ACYP1: variants seen among roughly 807,000 people sequenced by gnomAD.
The protein encoded by ACYP1 is acylphosphatase 1.
In ACYP1, 8 loss-of-function variants were observed where a neutral mutation model predicts 10.4. The observed-to-expected ratio is 0.77, with a 90% confidence interval of 0.45 to 1.38. The LOEUF is 1.38. Among genes scored for constraint, ACYP1 ranks in the 40% most tolerant of loss-of-function variants. The probability of loss-of-function intolerance (pLI) is 0.00; values close to 1 mark genes in which losing one functional copy is unlikely to be tolerated. For missense variants in ACYP1, 93 were observed against 117.3 expected, an observed-to-expected ratio of 0.79 and a Z score of 0.96; for synonymous variants, 38 against 40.8, an observed-to-expected ratio of 0.93 and a Z score of 0.26.
chr14:75,061,713 A>C, intron 2 of ACYP1: 1 of 1,593,746 alleles, frequency 6.3e-7, no homozygotes, highest in Non-Finnish European at 8.6e-7. Context: ...GCTAACTGGA[A>C]CACAGCTCTT....
chr14:75,058,995 C>T (rs1042336343), intron 2 of ACYP1, among the ~76,000 whole-genome samples: 57 of 151,166 alleles, frequency 3.8e-4, no homozygotes, highest in African/African-American at 9.7e-4. Flanking sequence ...GTCAGGAGTT[C>T]GAGACCAGTC....
chr14:75,054,903 C>T (rs1288617886), intron 2 of ACYP1, among the ~76,000 whole-genome samples: 5 of 151,400 alleles, frequency 3.3e-5, no homozygotes, highest in African/African-American at 1.2e-4. Flanking sequence ...ATCCAACTGA[C>T]AGGGCAGTAT....
chr14:75,055,355 G>A (rs1215042405), intron 2 of ACYP1, among the ~76,000 whole-genome samples: 1 of 151,322 alleles, frequency 6.6e-6, no homozygotes, highest in African/African-American at 2.4e-5. Flanking sequence ...CCAAAGTGCT[G>A]GGATTACAGG....
intron 2 of ACYP1, among the ~76,000 whole-genome samples, chr14:75,057,975 AAAAAAAAAAAAAAG>A (rs1421162980): frequency 2.0e-5 from 3 of 146,890 alleles, no homozygotes; most frequent in Admixed American, 6.7e-5. Context: ...AAAAAAAAAA[AAAAAAAAAAAAAAG>A]AACTACCTGC....
intron 2 of ACYP1, among the ~76,000 whole-genome samples, chr14:75,057,990 A>AAAC (rs1491425220): frequency 6.8e-6 from 1 of 147,334 alleles, no homozygotes; most frequent in South Asian, 2.2e-4. Context: ...AAAAAAAAAG[A>AAAC]ACTACCTGCT....
At chr14:75,068,397 G>A (rs567729561), upstream of ACYP1, among the ~76,000 whole-genome samples, 120 of 152,232 alleles carry the variant, frequency 7.9e-4, 1 homozygote, top group Middle Eastern at 6.8e-3. Flanking sequence ...GTCAATTCCC[G>A]GAGGGTACTG....
At chr14:75,061,596 G>T in intron 2 of ACYP1, 2 of 815,746 alleles carry the variant, frequency 2.5e-6, no homozygotes, top group Non-Finnish European at 3.8e-6. Flanking sequence ...GATGGGCTAT[G>T]CATACCACTA....
At chr14:75,056,430 A>G (rs1892879091) in intron 2 of ACYP1, among the ~76,000 whole-genome samples, 1 of 151,496 alleles carries the variant, frequency 6.6e-6, no homozygotes, top group Admixed American at 6.6e-5. Flanking sequence ...TGAAACATGA[A>G]TGTGAATTGT....
intron 2 of ACYP1, among the ~76,000 whole-genome samples, chr14:75,056,526 A>T (rs951787238): frequency 1.3e-5 from 2 of 151,082 alleles, no homozygotes; most frequent in Non-Finnish European, 2.9e-5. Flanking sequence ...CCCAGGCTCA[A>T]ATGATCCTCC....
chr14:75,068,871 G>A (rs1186570712), upstream of ACYP1, among the ~76,000 whole-genome samples: 1 of 152,156 alleles, frequency 6.6e-6, no homozygotes, highest in Admixed American at 6.5e-5. Context: ...AAAGCGAACT[G>A]CCTGTTCCAA....
chr14:75,054,401 TAC>T (rs1892825673), intron 2 of ACYP1, among the ~76,000 whole-genome samples: 1 of 151,636 alleles, frequency 6.6e-6, no homozygotes, highest in Admixed American at 6.6e-5. Context: ...ATCTAATCAT[TAC>T]AGTGTCTTAT....
intron 2 of ACYP1, chr14:75,061,650 G>A: frequency 6.7e-7 from 1 of 1,485,526 alleles, no homozygotes; most frequent in Non-Finnish European, 9.2e-7. Context: ...CTTTGAAGCT[G>A]TTATCTCAAT....
chr14:75,063,827 C>T, intron 1 of ACYP1, 127 bp downstream of exon 1: 1 of 744,244 alleles, frequency 1.3e-6, no homozygotes, highest in Non-Finnish European at 1.8e-6. Flanking sequence ...GACCTCCTTA[C>T]ATCCATGCCC....
chr14:75,057,910 A>G (rs1892914890), intron 2 of ACYP1, among the ~76,000 whole-genome samples: 2 of 130,402 alleles, frequency 1.5e-5, no homozygotes, highest in Admixed American at 9.0e-5. Context: ...GGTTGCAGTG[A>G]GCCGAGATCG....
rs1473838785 is a variant in ACYP1 at position 75,053,642 on chromosome 14, C to T, written c.102G>A (p.Leu34=). 1.2e-6 allele frequency: 2 copies of T among 1,614,180 alleles called. No homozygotes were observed. The highest frequency in any genetic ancestry group is 3.3e-5 in the Admixed American group (2 of 60,020). ...TGTTCTGGACCCAGCCTACCAATCCCAGCTTTTTACCCTCAGCCTAAGGGG... is the reference window on the plus strand; with the variant it reads ...TGTTCTGGACCCAGCCTACCAATCCTAGCTTTTTACCCTCAGCCTAAGGGG... ...RKHTQAEGKK[L]GLVGWVQNTD... Residue 34 remains leucine, a synonymous_variant, in exon 3 of 3, where the codon CTG becomes CTA. Coordinates refer to ENST00000238618, the MANE Select transcript of ACYP1 (RefSeq NM_001107.5).
In ACYP1 at chr14:75,058,400, G is replaced by C. The variant is rs764318226; in HGVS notation, c.85-4741C>G. Among the ~76,000 whole-genome samples the C allele has an allele frequency of 3.4e-4, 52 of 151,424 alleles. 1 individual carries two copies. The highest frequency in any genetic ancestry group is 6.3e-4 in the Non-Finnish European group (43 of 67,960). ...GGAGGCAGAGGTTGCAGTGAGCCGA[G>C]ATTGTGTCACTGCACTCTAGCCTGG... On this transcript the variant is annotated intron_variant, in intron 2 of 2. Coordinates refer to ENST00000238618, the MANE Select transcript of ACYP1 (RefSeq NM_001107.5).
At chr14:75,063,211 C>T (rs1035297633) in intron 2 of ACYP1, 2 of 459,340 alleles carry the variant, frequency 4.4e-6, no homozygotes, top group Non-Finnish European at 8.0e-6. Context: ...CTCTATTTCC[C>T]TTGGAAGAGA....
upstream of ACYP1, among the ~76,000 whole-genome samples, chr14:75,066,517 C>T (rs1243535846): frequency 6.6e-6 from 1 of 152,108 alleles, no homozygotes; most frequent in Non-Finnish European, 1.5e-5. Context: ...AGGAAAAACT[C>T]ACCTGGGGCA....
chr14:75,066,751 C>T (rs1893148923), upstream of ACYP1, among the ~76,000 whole-genome samples: 1 of 152,038 alleles, frequency 6.6e-6, no homozygotes, highest in Admixed American at 6.6e-5. Context: ...ACTAGGGAGG[C>T]CAAGGCAGGA....
Sources: gnomAD v4.1 joint callset for allele counts (sites outside exome capture counted in the v4.1 genomes callset) on GRCh38, gnomAD v4.1.1 for gene constraint, MANE v1.5 for transcripts, NCBI Gene and HGNC (gene_info 2026-07-23, HGNC 2026-07-21) for gene names.